The following CEP290 variants were observed in gnomAD, a reference collection of about 807,000 sequenced individuals.
CEP290 encodes the protein centrosomal protein of 290 kDa.
A neutral mutation model predicts 344.9 loss-of-function variants in CEP290; 317 were observed. The observed-to-expected ratio is 0.92, with a 90% CI of 0.84 to 1.01. The LOEUF is 1.01. CEP290 is among the 50% of genes least tolerant of loss of function. The pLI is 0.00. For synonymous variants in CEP290, 932 were observed against 895.8 expected (o/e 1.04, Z -0.72); for missense variants, 2,754 against 2,761.4 (o/e 1.00, Z 0.06).
chr12:88,090,408 G>C (rs1222635892), intron 30 of CEP290, among the ~76,000 whole-genome samples: 1 of 152,180 alleles, frequency 6.6e-6, no homozygotes, highest in East Asian at 1.9e-4. Context: ...AAGGTGGGCA[G>C]ATCATTTTAA....
In CEP290 at chr12:88,068,590, T is replaced by C. The variant is rs764861728; in HGVS notation, c.6067A>G (p.Arg2023Gly). 1.3e-5 allele frequency: 20 copies of C among 1,591,074 alleles called. No individual in the cohort carries two copies. The highest frequency in any genetic ancestry group is 1.6e-5 in the Non-Finnish European group (19 of 1,171,692). Residue 2023 changes from arginine to glycine, a missense_variant, in exon 44 of 54, where the codon AGA (arginine) becomes GGA (glycine). Arg to Gly is a moderately radical substitution (Grantham distance 125). Coordinates refer to ENST00000552810, the MANE Select transcript of CEP290 (RefSeq NM_025114.4). ...SVVEDLHLQN[R>G]YLQEKLHALE... ...GCATGAAGTTTTTCTTGGAGGTATC[T>C]ATTTTGTAAATGTAAATCTTCTACA...
chr12:88,086,749 G>A (rs913121829), intron 32 of CEP290, among the ~76,000 whole-genome samples: 3 of 27,068 alleles, frequency 1.1e-4, no homozygotes, highest in Admixed American at 5.0e-4. Context: ...TCAGCTATAC[G>A]AAAGATATTT....
intron 3 of CEP290, among the ~76,000 whole-genome samples, chr12:88,139,924 G>A (rs952481734): frequency 6.6e-6 from 1 of 151,946 alleles, no homozygotes; most frequent in Admixed American, 6.6e-5. Flanking sequence ...CATCATGCTC[G>A]GCAAATTTTT....
chr12:88,091,949 T>C (rs2037080214), intron 29 of CEP290, among the ~76,000 whole-genome samples: 1 of 152,144 alleles, frequency 6.6e-6, no homozygotes, highest in Non-Finnish European at 1.5e-5. Context: ...AGTCTCGCTC[T>C]GTCACCAGGC....
chr12:88,075,400 T>C (rs1472765898), intron 41 of CEP290, among the ~76,000 whole-genome samples: 11 of 152,014 alleles, frequency 7.2e-5, no homozygotes, highest in Non-Finnish European at 2.9e-5. Flanking sequence ...TTCAGAATAA[T>C]ATTATTATAA....
chr12:88,118,413 A>C, intron 17 of CEP290, 70 bp downstream of exon 17: 1 of 1,252,650 alleles, frequency 8.0e-7, no homozygotes. Flanking sequence ...GCTAAGACAC[A>C]AATAATTTCA....
chr12:88,135,369 A>AT (rs1167525309), intron 6 of CEP290, among the ~76,000 whole-genome samples: 1 of 152,158 alleles, frequency 6.6e-6, no homozygotes, highest in African/African-American at 2.4e-5. Flanking sequence ...GGTATGAATG[A>AT]TAAGTCAACT....
At position 88,071,791 on chromosome 12, in the gene CEP290, G is replaced by C; in HGVS notation, c.5845C>G (p.Leu1949Val). 6.3e-7 allele frequency: 1 copy of C among 1,590,878 alleles called. No homozygotes were observed. Among genetic ancestry groups the C allele is most frequent in the Non-Finnish European group, 8.5e-7 (1 of 1,172,304 alleles). The stretch of plus-strand genomic sequence containing the variant: ...GATATTTAAACTCACTTGGCAAAAA[G>C]ATCCTTCAAAGTATTCAACTGCTTT... Reference protein sequence around the residue: ...LTKQLNTLKDLFAKADKEKLT... With the variant: ...LTKQLNTLKDVFAKADKEKLT... Residue 1949 changes from leucine to valine, a missense_variant, in exon 42 of 54, where the codon CTT becomes GTT. Transcript: ENST00000552810.
At position 88,130,563 on chromosome 12, in the gene CEP290, G is replaced by T; in HGVS notation, c.498C>A (p.Asn166Lys). The change falls in exon 8 of 54, where the codon AAC becomes AAA. Residue 166 changes from asparagine to lysine, a missense_variant and splice_region_variant. By Grantham distance (94) the Asn-to-Lys change is moderately conservative (BLOSUM62 0). Transcript: ENST00000552810. ...ENENSKLRRE[N>K]KRLKKKNEQL... ...GCCTCACCTTTTTCTTTAGACGTTT[G>T]TTCTACAGAAAAGGACAGGAAAACG... 6.3e-7 allele frequency: 1 copy of T among 1,583,270 alleles called. No homozygotes were observed. The highest frequency in any genetic ancestry group is 1.8e-5 in the Admixed American group (1 of 54,510).
chr12:88,106,457 T>G (rs1396257195), intron 25 of CEP290, among the ~76,000 whole-genome samples: 8 of 152,162 alleles, frequency 5.3e-5, no homozygotes, highest in Non-Finnish European at 1.0e-4. Context: ...CTATGGTTAG[T>G]TAAAGAAAAA....
intron 25 of CEP290, chr12:88,103,230 T>G (rs2038033105): frequency 6.7e-6 from 2 of 299,638 alleles, no homozygotes; most frequent in Non-Finnish European, 1.2e-5. Flanking sequence ...ATAAAATACT[T>G]TAATAACTCC....
At chr12:88,092,855 G>A in intron 28 of CEP290, 23 bp from the exon 29 acceptor site, 1 of 1,604,074 alleles carries the variant, frequency 6.2e-7, no homozygotes, top group South Asian at 1.1e-5. Context: ...AACAAAAAAT[G>A]TTCAGATACA....
chr12:88,053,495 A>G lies in CEP290; in HGVS notation c.7129+157T>C, dbSNP rs140267645. On this transcript the variant is annotated intron_variant, in intron 52 of 53. Coordinates refer to ENST00000552810, the MANE Select transcript of CEP290 (RefSeq NM_025114.4). ...CAAAGAGAAAAATGGGAATATTTTT[A>G]TATTAATAGCACAGAGAGACAAAAG... 4.3e-3 allele frequency among the ~76,000 whole-genome samples: 661 copies of G among 151,998 alleles called. 12 individuals are homozygous for G. Among genetic ancestry groups the G allele is most frequent in the African/African-American group, 0.015 (622 of 41,482 alleles).
At chr12:88,049,642 T>C in intron 53 of CEP290, 1 of 362,468 alleles carries the variant, frequency 2.8e-6, no homozygotes, top group Non-Finnish European at 4.9e-6. Context: ...GTTCTAGTCT[T>C]TGACTAAAAT....
chr12:88,139,013 T>C, intron 5 of CEP290, 132 bp downstream of exon 5: 1 of 567,770 alleles, frequency 1.8e-6, no homozygotes, highest in Non-Finnish European at 3.2e-6. Context: ...GTAGAACATA[T>C]ACAGAATAAA....
In CEP290 at chr12:88,049,269, A is replaced by C; in HGVS notation, c.7355T>G (p.Leu2452Trp). The C allele has an allele frequency of 1.2e-6, 2 of 1,609,962 alleles. No individual in the cohort carries two copies. The highest frequency in any genetic ancestry group is 1.1e-5 in the South Asian group (1 of 90,330). The change falls in exon 54 of 54, where the codon TTG becomes TGG. Residue 2452 changes from leucine to tryptophan, a missense_variant. Transcript: ENST00000552810. ...AACAGGGCTAGTTAATTCAACTCCC[A>C]ATTGTTCTGAAAGTTTTTTTACCTT... ...EEKVKKLSEQ[L>W]GVELTSPVAA...
intron 22 of CEP290, 149 bp from the exon 23 acceptor site, chr12:88,109,330 T>G (rs988636028): frequency 4.3e-6 from 2 of 468,356 alleles, no homozygotes; most frequent in African/African-American, 4.1e-5. Context: ...TTCCATGATA[T>G]TTTGAACACT....
chr12:88,121,240 G>C, intron 13 of CEP290, 74 bp from the exon 14 acceptor site: 1 of 1,099,516 alleles, frequency 9.1e-7, no homozygotes, highest in South Asian at 1.6e-5. Context: ...CAACATGGTG[G>C]CAAGAAAAGT....
intron 29 of CEP290, among the ~76,000 whole-genome samples, chr12:88,092,404 A>C (rs1050562270): frequency 6.6e-6 from 1 of 152,100 alleles, no homozygotes; most frequent in African/African-American, 2.4e-5. Flanking sequence ...TCCCCAAAAA[A>C]TCAATATGTG....
Sources: allele counts gnomAD v4.1 joint callset (sites outside exome capture counted in the v4.1 genomes callset), GRCh38; gene constraint gnomAD v4.1.1; transcripts MANE v1.5; gene names NCBI Gene and HGNC (gene_info 2026-07-23, HGNC 2026-07-21).